SYBU: variants seen among roughly 807,000 people sequenced by gnomAD.
SYBU encodes syntabulin, also known as GOLSYN A protein.
In SYBU, 21 loss-of-function variants were observed where a neutral mutation model predicts 35.9. The observed-to-expected ratio is 0.58, with a 90% CI of 0.41 to 0.84. The LOEUF is 0.84. Ranked by LOEUF, SYBU falls within the 40% of genes least tolerant of loss-of-function variation. The probability of loss-of-function intolerance (pLI) is 0.00; values close to 1 mark genes in which losing one functional copy is unlikely to be tolerated. For missense variants in SYBU, 768 were observed against 848.2 expected, an observed-to-expected ratio of 0.91 and a Z score of 1.17; for synonymous variants, 319 against 324.3, an observed-to-expected ratio of 0.98 and a Z score of 0.18.
chr8:109,607,033 A>C (rs1292910661), intron 3 of SYBU, among the ~76,000 whole-genome samples: 1 of 152,220 alleles, frequency 6.6e-6, no homozygotes, highest in Non-Finnish European at 1.5e-5. Flanking sequence ...TTAATTTTAC[A>C]CAATTTTAAA....
At chr8:109,600,761 G>C (rs1825427996) in intron 3 of SYBU, among the ~76,000 whole-genome samples, 1 of 152,152 alleles carries the variant, frequency 6.6e-6, no homozygotes, top group South Asian at 2.1e-4. Context: ...GAGTTCACTG[G>C]CTCAGATGTG....
chr8:109,650,058 T>C (rs1350341797), intron 1 of SYBU, among the ~76,000 whole-genome samples: 2 of 152,016 alleles, frequency 1.3e-5, no homozygotes, highest in African/African-American at 2.4e-5. Flanking sequence ...AACCAGAAAG[T>C]GTGGGAAAAG....
At chr8:109,626,219 C>A (rs1461889959) in intron 2 of SYBU, among the ~76,000 whole-genome samples, 2 of 152,144 alleles carry the variant, frequency 1.3e-5, no homozygotes, top group Non-Finnish European at 2.9e-5. Context: ...TTTTGACATT[C>A]AAACCTTGCT....
intron 1 of SYBU, among the ~76,000 whole-genome samples, chr8:109,669,715 G>A (rs1472726832): frequency 6.6e-6 from 1 of 152,204 alleles, no homozygotes. Context: ...AGAGAAGAAT[G>A]TGTTCATTGA....
At position 109,575,982 on chromosome 8, in the gene SYBU, G is replaced by C. The variant is rs1822242675; in HGVS notation, c.916C>G (p.Leu306Val). ...ESEIVELKSQ[L>V]ARMREDWIEE... ...ATCCAGTCCTCTCGCATGCGGGCCAGCTGGGACTTAAGCTCCACGATTTCA... is the reference window on the plus strand; with the variant it reads ...ATCCAGTCCTCTCGCATGCGGGCCACCTGGGACTTAAGCTCCACGATTTCA... Residue 306 changes from leucine to valine, a missense_variant, in exon 7 of 7, where the codon CTG becomes GTG. By Grantham distance (32) the Leu-to-Val change is conservative. Transcript: ENST00000276646. 6.2e-7 allele frequency: 1 copy of C among 1,604,972 alleles called. No individual in the cohort carries two copies. Among genetic ancestry groups the C allele is most frequent in the South Asian group, 1.1e-5 (1 of 90,934 alleles).
intron 3 of SYBU, among the ~76,000 whole-genome samples, chr8:109,593,146 T>C (rs1023529548): frequency 6.6e-6 from 1 of 152,220 alleles, no homozygotes; most frequent in Non-Finnish European, 1.5e-5. Context: ...ATCTGCATTT[T>C]TGATAATTAC....
chr8:109,644,963 C>G, upstream of SYBU: 1 of 520,686 alleles, frequency 1.9e-6, no homozygotes, highest in South Asian at 2.0e-5. Context: ...CGCGCCCCAC[C>G]CGCCCGATTT....
Position 109,691,567 on chromosome 8 carries a change from T to C in SYBU, c.-292A>G. Reference sequence around the variant, plus strand: ...CCGGTGCCCTCGGCCCCTCGGCCTCTGCAGCCAGCCGGGCGGCTGCTGGGG... The same window carrying C: ...CCGGTGCCCTCGGCCCCTCGGCCTCCGCAGCCAGCCGGGCGGCTGCTGGGG... On this transcript the variant is annotated 5_prime_UTR_variant, in exon 1 of 8. Coordinates refer to the SYBU transcript ENST00000422135. The surrounding 1 kb of genome is among the most constrained non-coding windows in gnomAD (Gnocchi z 4.7). 1 of 441,968 alleles carries C rather than the reference T, an allele frequency of 2.3e-6. No homozygotes were observed. Among genetic ancestry groups the C allele is most frequent in the Non-Finnish European group, 4.0e-6 (1 of 252,964 alleles). The allele number at this position is 441,968 out of a possible 1,614,324, so 27.4% of individuals were successfully genotyped here.
intron 3 of SYBU, among the ~76,000 whole-genome samples, chr8:109,599,891 G>A (rs116368528): frequency 6.6e-5 from 10 of 152,158 alleles, no homozygotes; most frequent in Admixed American, 3.3e-4. Context: ...AAGGAGGCAC[G>A]ATAGCCTCTA....
intron 1 of SYBU, among the ~76,000 whole-genome samples, chr8:109,658,538 C>A (rs1302722853): frequency 5.3e-5 from 8 of 152,168 alleles, no homozygotes; most frequent in African/African-American, 9.7e-5. Context: ...GAATGAAGGA[C>A]CTTTCCTGCT....
At position 109,594,523 on chromosome 8, in the gene SYBU, T is replaced by G. The variant is rs113602407; in HGVS notation, c.428-8361A>C. Reference sequence around the variant, plus strand: ...AATAATTTTTTTTAAAAAACTCACTTCTGTACTTAAACATGGCTTTTCTTA... The same window carrying G: ...AATAATTTTTTTTAAAAAACTCACTGCTGTACTTAAACATGGCTTTTCTTA... On this transcript the variant is annotated intron_variant, in intron 3 of 6. Coordinates refer to ENST00000276646, the MANE Select transcript of SYBU (RefSeq NM_001099754.2). Among the ~76,000 whole-genome samples the G allele has an allele frequency of 8.6e-3, 1,308 of 152,236 alleles. 4 individuals are homozygous for G. The highest frequency in any genetic ancestry group is 0.024 in the Middle Eastern group (7 of 294).
At chr8:109,614,224 A>G (rs1029890623) in intron 3 of SYBU, among the ~76,000 whole-genome samples, 2 of 152,258 alleles carry the variant, frequency 1.3e-5, no homozygotes, top group African/African-American at 4.8e-5. Flanking sequence ...TTTGTAAAAC[A>G]ATGACATTAG....
chr8:109,579,818 C>A lies in SYBU; in HGVS notation c.715G>T (p.Asp239Tyr). 1 of 1,613,848 alleles carries A rather than the reference C, an allele frequency of 6.2e-7. No homozygotes were observed. The highest frequency in any genetic ancestry group is 1.1e-5 in the South Asian group (1 of 91,046). ...ACTCACCTCATGATGGGGCTACAGT[C>A]GCTTCCTTTGTAGGAGCCTGAGTTG... ...SSNSGSYKGS[D>Y]CSPIMRRSGR... Residue 239 changes from aspartate (D) to tyrosine (Y), a missense_variant, in exon 5 of 7, where the codon GAC becomes TAC. Asp to Tyr is a radical substitution (Grantham distance 160). Transcript: ENST00000276646.
chr8:109,639,710 C>G (rs76513740), intron 2 of SYBU, among the ~76,000 whole-genome samples: 4,064 of 152,248 alleles, frequency 0.027, 132 homozygotes, highest in African/African-American at 0.083. Flanking sequence ...ACTTAACTGC[C>G]GTGATTAAAC....
chr8:109,657,695 G>A (rs1358263738), intron 1 of SYBU, among the ~76,000 whole-genome samples: 3 of 152,174 alleles, frequency 2.0e-5, no homozygotes, highest in African/African-American at 7.2e-5. Flanking sequence ...CTTGCCTAGA[G>A]AGCTGTGTGA....
At chr8:109,675,743 C>T (rs3133924) in intron 1 of SYBU, among the ~76,000 whole-genome samples, 41,104 of 151,992 alleles carry the variant, frequency 0.27, 6,015 homozygotes, top group East Asian at 0.52. Flanking sequence ...CTTCTGAAAT[C>T]ATTCCAAACA....
At chr8:109,619,468 C>T (rs1271378163) in intron 2 of SYBU, among the ~76,000 whole-genome samples, 1 of 152,090 alleles carries the variant, frequency 6.6e-6, no homozygotes, top group Non-Finnish European at 1.5e-5. Flanking sequence ...CTCAAGCGAT[C>T]CATCTGCCTC....
At chr8:109,616,620 G>C (rs1343600447) in intron 3 of SYBU, among the ~76,000 whole-genome samples, 1 of 151,814 alleles carries the variant, frequency 6.6e-6, no homozygotes. Context: ...AGGTGGTGGG[G>C]GTGGGCTGAG....
intron 1 of SYBU, among the ~76,000 whole-genome samples, chr8:109,659,013 G>T (rs28741034): frequency 0.064 from 9,789 of 151,940 alleles, 865 homozygotes; most frequent in African/African-American, 0.2. Flanking sequence ...TCACCTGCTT[G>T]GCCTCTTTAA....
Sources: gnomAD v4.1 joint callset for allele counts (sites outside exome capture counted in the v4.1 genomes callset) on GRCh38, gnomAD v4.1.1 for gene constraint, Gnocchi (gnomAD v3.1) non-coding constraint, MANE v1.5 for transcripts, NCBI Gene and HGNC (gene_info 2026-07-23, HGNC 2026-07-21) for gene names.